The following POLN variants were observed in gnomAD, a reference collection of about 807,000 sequenced individuals.
POLN encodes the protein DNA polymerase nu.
POLN carries 108 observed loss-of-function variants against 113.5 expected under a neutral mutation model. The observed-to-expected ratio is 0.95, with a 90% CI of 0.81 to 1.12. The LOEUF (loss-of-function observed/expected upper bound fraction) is 1.12. Ranked by LOEUF, POLN falls within the 50% of genes most tolerant of loss-of-function variation. POLN has a pLI of 0.00. For synonymous variants in POLN, 386 were observed against 391.5 expected, an observed-to-expected ratio of 0.99 and a Z score of 0.17; for missense variants, 1,097 against 1,077.1, an observed-to-expected ratio of 1.02 and a Z score of -0.26.
At chr4:2,079,305 G>A (rs1270795828) in intron 23 of POLN, 2 of 631,616 alleles carry the variant, frequency 3.2e-6, no homozygotes, top group Non-Finnish European at 3.9e-6. Flanking sequence ...TGCCAAGACG[G>A]AAACTAGCAC....
intron 6 of POLN, among the ~76,000 whole-genome samples, chr4:2,196,744 AGAAG>A (rs999406718): frequency 8.5e-5 from 13 of 152,178 alleles, no homozygotes; most frequent in African/African-American, 3.1e-4. Flanking sequence ...GGAAAGGGAC[AGAAG>A]GAAGTAAGGA....
chr4:2,188,473 C>T (rs1382308738), intron 7 of POLN, among the ~76,000 whole-genome samples: 3 of 151,894 alleles, frequency 2.0e-5, no homozygotes, highest in Non-Finnish European at 2.9e-5. Flanking sequence ...TGGTGGCGGG[C>T]GCCTGTAGTC....
chr4:2,241,132 A>G, intron 2 of POLN: 1 of 516,068 alleles, frequency 1.9e-6, no homozygotes, highest in Non-Finnish European at 3.3e-6. Context: ...CACAAATATG[A>G]CGACAGTGTT....
chr4:2,209,480 GAAA>G (rs1245386319), intron 4 of POLN, among the ~76,000 whole-genome samples: 3 of 72,206 alleles, frequency 4.2e-5, no homozygotes, highest in Admixed American at 1.5e-4. Context: ...CTCCGTCTCA[GAAA>G]AAAAAAAAAA....
intron 11 of POLN, among the ~76,000 whole-genome samples, chr4:2,171,776 C>CA (rs1412410384): frequency 1.2e-4 from 18 of 151,794 alleles, no homozygotes; most frequent in African/African-American, 3.6e-4. Context: ...CTCATCTCTA[C>CA]AAAAAAATAA....
At chr4:2,095,498 GCTAT>G (rs566532350) in intron 20 of POLN, among the ~76,000 whole-genome samples, 28 of 152,330 alleles carry the variant, frequency 1.8e-4, no homozygotes, top group African/African-American at 6.0e-4. Context: ...ACACCTTGAG[GCTAT>G]CTAACTTTAT....
intron 23 of POLN, chr4:2,080,705 A>G (rs1730387801): frequency 4.9e-5 from 68 of 1,387,038 alleles, no homozygotes; most frequent in Non-Finnish European, 6.2e-5. Context: ...CACCCCGAGG[A>G]GGAGGGGTCT....
At chr4:2,157,614 T>C (rs1339928845) in intron 15 of POLN, among the ~76,000 whole-genome samples, 2 of 151,364 alleles carry the variant, frequency 1.3e-5, no homozygotes, top group East Asian at 3.9e-4. Flanking sequence ...TCCCAGCTAC[T>C]TGGGAGGCTG....
intron 7 of POLN, among the ~76,000 whole-genome samples, chr4:2,188,131 C>T (rs569092032): frequency 1.3e-5 from 2 of 151,858 alleles, no homozygotes; most frequent in East Asian, 3.9e-4. Flanking sequence ...CAACCCCTCC[C>T]CAATAAAAAG....
At chr4:2,103,553 G>GA in intron 19 of POLN, among the ~76,000 whole-genome samples, 1 of 152,302 alleles carries the variant, frequency 6.6e-6, no homozygotes, top group African/African-American at 2.4e-5. Context: ...AATAGTATAT[G>GA]AAAAATTCCT....
chr4:2,236,416 A>G (rs770333890), intron 2 of POLN: 11 of 1,613,482 alleles, frequency 6.8e-6, no homozygotes, highest in Non-Finnish European at 9.3e-6. Flanking sequence ...GTTAGAAACA[A>G]TTCTTTTTTC....
At chr4:2,185,909 T>C (rs532895850) in intron 7 of POLN, among the ~76,000 whole-genome samples, 53 of 152,230 alleles carry the variant, frequency 3.5e-4, no homozygotes, top group African/African-American at 1.2e-3. Flanking sequence ...TTATTGGTAA[T>C]AGAGTGATGT....
Position 2,126,223 on chromosome 4 carries a change from C to T in POLN, c.1982+1890G>A, listed in dbSNP as rs1553896015. On this transcript the variant is annotated intron_variant, in intron 19 of 25. Coordinates refer to ENST00000511885, the MANE Select transcript of POLN (RefSeq NM_181808.4). This position sits in a 1 kb window ranked among gnomAD's most constrained non-coding sequence, Gnocchi z 4.6. ...GCTTTTGTCACTTTCCCTGCTGTCACCATAAACACAATTTCACAGCTACTC... is the reference window on the plus strand; with the variant it reads ...GCTTTTGTCACTTTCCCTGCTGTCATCATAAACACAATTTCACAGCTACTC... 6.6e-6 allele frequency among the ~76,000 whole-genome samples: 1 copy of T among 152,186 alleles called. No homozygotes were observed. Among genetic ancestry groups the T allele is most frequent in the Non-Finnish European group, 1.5e-5 (1 of 68,042 alleles).
At position 2,188,091 on chromosome 4, in the gene POLN, G is replaced by C. The variant is rs143451807; in HGVS notation, c.1021+5113C>G. On this transcript the variant is annotated intron_variant, in intron 7 of 25. Transcript: ENST00000511885. ...TGATCACACCACTGCATTCCAGCCTGGGTGACAGAGTGAGACCCCATCTCC... is the reference window on the plus strand; with the variant it reads ...TGATCACACCACTGCATTCCAGCCTCGGTGACAGAGTGAGACCCCATCTCC... 2.5e-3 allele frequency among the ~76,000 whole-genome samples: 383 copies of C among 152,254 alleles called. 3 individuals carry two copies. The highest frequency in any genetic ancestry group is 8.9e-3 in the African/African-American group (368 of 41,530).
intron 17 of POLN, among the ~76,000 whole-genome samples, chr4:2,130,840 T>G (rs1731709925): frequency 6.6e-6 from 1 of 152,126 alleles, no homozygotes; most frequent in African/African-American, 2.4e-5. Flanking sequence ...TTCAGGAAGG[T>G]GAAGCAGTTA....
intron 4 of POLN, among the ~76,000 whole-genome samples, chr4:2,211,542 G>A (rs1380137644): frequency 3.3e-5 from 5 of 152,124 alleles, no homozygotes; most frequent in African/African-American, 9.6e-5. Context: ...TTGGGAGGCC[G>A]AGGTGGGAGG....
intron 19 of POLN, among the ~76,000 whole-genome samples, chr4:2,110,571 C>T (rs959396259): frequency 4.1e-4 from 62 of 152,136 alleles, no homozygotes; most frequent in Non-Finnish European, 1.5e-4. Context: ...ACCACCGATC[C>T]CACAGAAATA....
intron 3 of POLN, among the ~76,000 whole-genome samples, chr4:2,214,193 G>A (rs944304492): frequency 1.3e-5 from 2 of 151,834 alleles, no homozygotes; most frequent in Admixed American, 6.6e-5. Flanking sequence ...CCGAGATTGC[G>A]CCACTGCACT....
chr4:2,111,572 T>C (rs893683828), intron 19 of POLN, among the ~76,000 whole-genome samples: 2 of 152,006 alleles, frequency 1.3e-5, no homozygotes, highest in Non-Finnish European at 2.9e-5. Flanking sequence ...GTGCAAAAAT[T>C]ACAAGCATTC....
Sources: gnomAD v4.1 joint callset for allele counts (sites outside exome capture counted in the v4.1 genomes callset) on GRCh38, gnomAD v4.1.1 for gene constraint, Gnocchi (gnomAD v3.1) non-coding constraint, MANE v1.5 for transcripts, NCBI Gene and HGNC (gene_info 2026-07-23, HGNC 2026-07-21) for gene names.